Variants in SYT1 observed in about 807,000 individuals in gnomAD.
SYT1 encodes the protein synaptotagmin-1.
In SYT1, 8 loss-of-function variants were observed where a neutral mutation model predicts 44.8. The observed-to-expected ratio is 0.18, with a 90% CI of 0.10 to 0.32. The LOEUF (loss-of-function observed/expected upper bound fraction) is 0.32, where lower values mean the gene tolerates loss of function less well. SYT1 is among the 10% of genes least tolerant of loss of function. The probability of loss-of-function intolerance (pLI) is 1.00; values close to 1 mark genes in which losing one functional copy is unlikely to be tolerated. For synonymous variants in SYT1, 154 were observed against 188.8 expected (o/e 0.82, Z 1.51); for missense variants, 286 against 509.3 (o/e 0.56, Z 4.22).
chr12:79,350,715 T>C (rs1882863137), intron 8 of SYT1, among the ~76,000 whole-genome samples: 1 of 152,170 alleles, frequency 6.6e-6, no homozygotes, highest in African/African-American at 2.4e-5. Flanking sequence ...TTTTCAAACT[T>C]TTGGTAGACA....
In SYT1 at chr12:79,349,037, G is replaced by GAAAGAA. The variant is rs1565919888; in HGVS notation, c.811-4463_811-4458dup. Among the ~76,000 whole-genome samples the GAAAGAA allele has an allele frequency of 8.1e-3, 784 of 96,538 alleles. 1 individual carries two copies. The highest frequency in any genetic ancestry group is 0.023 in the Middle Eastern group (3 of 132). 63.3% of individuals were successfully genotyped at this position (96,538 alleles called of 152,430 possible). On this transcript the variant is annotated intron_variant, in intron 8 of 10. Transcript: ENST00000261205. ...AAAGAAAGAAAGAAAGAAAGAAAAAGAAAGAAAGAAAGAAAGAAAGGAGGG... is the reference window on the plus strand; with the variant it reads ...AAAGAAAGAAAGAAAGAAAGAAAAAGAAAGAAAAAGAAAGAAAGAAAGAAAGGAGGG...
intron 1 of SYT1, among the ~76,000 whole-genome samples, chr12:78,905,492 A>T (rs545082536): frequency 6.6e-6 from 1 of 152,220 alleles, no homozygotes; most frequent in South Asian, 2.1e-4. Context: ...ACACTCACTA[A>T]TATCAGCTTT....
At chr12:79,129,903 A>G (rs530888586) in intron 3 of SYT1, among the ~76,000 whole-genome samples, 1 of 152,316 alleles carries the variant, frequency 6.6e-6, no homozygotes, top group South Asian at 2.1e-4. Context: ...GTATATTATA[A>G]ACATTTACAG....
chr12:79,018,598 C>T (rs1430509842), intron 2 of SYT1, among the ~76,000 whole-genome samples: 1 of 152,018 alleles, frequency 6.6e-6, no homozygotes, highest in Non-Finnish European at 1.5e-5. Flanking sequence ...AAGTGGATTT[C>T]CCTTGGTTGG....
At chr12:79,158,125 A>G (rs1053193769) in intron 3 of SYT1, among the ~76,000 whole-genome samples, 3 of 152,126 alleles carry the variant, frequency 2.0e-5, no homozygotes, top group Non-Finnish European at 4.4e-5. Context: ...ATTACATTGT[A>G]ACATATATAC....
chr12:78,913,714 GATTT>G (rs1403164217), intron 1 of SYT1, among the ~76,000 whole-genome samples: 2 of 151,760 alleles, frequency 1.3e-5, no homozygotes, highest in Non-Finnish European at 2.9e-5. Flanking sequence ...TAAAATATGT[GATTT>G]ATTTAACACA....
At chr12:79,416,199 A>G in intron 9 of SYT1, among the ~76,000 whole-genome samples, 1 of 152,200 alleles carries the variant, frequency 6.6e-6, no homozygotes, top group East Asian at 1.9e-4. Flanking sequence ...AGAAAGAAAC[A>G]AGGCAAGGCA....
intron 1 of SYT1, among the ~76,000 whole-genome samples, chr12:78,958,819 G>A (rs536323326): frequency 3.9e-5 from 6 of 152,152 alleles, no homozygotes; most frequent in East Asian, 1.9e-4. Flanking sequence ...TTACGCAAAC[G>A]TGGAAAACTT....
At chr12:79,145,241 T>C (rs888646418) in intron 3 of SYT1, among the ~76,000 whole-genome samples, 24 of 152,120 alleles carry the variant, frequency 1.6e-4, no homozygotes, top group Non-Finnish European at 2.9e-5. Flanking sequence ...TAATATATTA[T>C]CTAATTTTAT....
chr12:79,218,219 A>T (rs1486284086), intron 4 of SYT1, among the ~76,000 whole-genome samples: 3 of 152,268 alleles, frequency 2.0e-5, no homozygotes, highest in African/African-American at 7.2e-5. Flanking sequence ...AATCAGTGAC[A>T]TTTAATTTTT....
intron 3 of SYT1, among the ~76,000 whole-genome samples, chr12:79,214,941 ATGTG>A (rs71091652): frequency 0.088 from 13,007 of 148,432 alleles, 738 homozygotes; most frequent in African/African-American, 0.16. Context: ...ATGTGTGTAT[ATGTG>A]TGTGTGTGTG....
At chr12:79,437,744 G>A (rs1174177628) in intron 9 of SYT1, among the ~76,000 whole-genome samples, 1 of 152,148 alleles carries the variant, frequency 6.6e-6, no homozygotes, top group Non-Finnish European at 1.5e-5. Context: ...TTGCATTCCA[G>A]TGCCAGATTC....
intron 9 of SYT1, among the ~76,000 whole-genome samples, chr12:79,412,363 T>C (rs1034399881): frequency 2.0e-5 from 3 of 152,180 alleles, no homozygotes; most frequent in Non-Finnish European, 4.4e-5. Flanking sequence ...AACTCCACCA[T>C]CTTGCCTCTT....
At chr12:79,021,504 TAAAA>T (rs943592169) in intron 2 of SYT1, among the ~76,000 whole-genome samples, 1 of 151,810 alleles carries the variant, frequency 6.6e-6, no homozygotes. Flanking sequence ...TCTCCTTTCT[TAAAA>T]AAATCAATTA....
At position 79,257,633 on chromosome 12, in the gene SYT1, A is replaced by G. The variant is rs576492770; in HGVS notation, c.167-28154A>G. Reference sequence around the variant, plus strand: ...CTCCCGAGTAGCTGGGACTACAGGCACCCGCCACAACCCCCGGCTGATTTT... The same window carrying G: ...CTCCCGAGTAGCTGGGACTACAGGCGCCCGCCACAACCCCCGGCTGATTTT... On this transcript the variant is annotated intron_variant, in intron 4 of 10. Transcript: ENST00000261205. Among the ~76,000 whole-genome samples the G allele has an allele frequency of 4.5e-3, 678 of 150,584 alleles. 2 individuals carry two copies. The highest frequency in any genetic ancestry group is 0.015 in the African/African-American group (610 of 41,202).
chr12:78,966,107 C>T (rs1013833168), intron 1 of SYT1, among the ~76,000 whole-genome samples: 5 of 150,534 alleles, frequency 3.3e-5, no homozygotes, highest in Non-Finnish European at 5.9e-5. Flanking sequence ...ATTGAATAAA[C>T]GAATATAATT....
In SYT1 at chr12:79,206,448, TAAC is replaced by T. The variant is rs1446413162; in HGVS notation, c.-17-11051_-17-11049del. 9.2e-5 allele frequency among the ~76,000 whole-genome samples: 14 copies of T among 152,204 alleles called. No homozygotes were observed. In the South Asian group the frequency reaches 1.9e-3, roughly 20 times the overall value. ...CTGTGTTGAGCGTACGTTGAGCAAA[TAAC>T]AACTGGGCCTGGCAGACAGTGATAG... On this transcript the variant is annotated intron_variant, in intron 3 of 10. Transcript: ENST00000261205.
chr12:79,000,677 G>T (rs894132422), intron 2 of SYT1, among the ~76,000 whole-genome samples: 2 of 152,118 alleles, frequency 1.3e-5, no homozygotes, highest in African/African-American at 4.8e-5. Flanking sequence ...TATAGTTGAA[G>T]CTGCCAAGAC....
intron 3 of SYT1, among the ~76,000 whole-genome samples, chr12:79,083,472 G>A (rs890221720): frequency 3.3e-5 from 5 of 151,956 alleles, no homozygotes; most frequent in Admixed American, 6.6e-5. Context: ...CCTTTGTAAA[G>A]GTGAAACATA....
Sources: gnomAD v4.1 joint callset for allele counts (sites outside exome capture counted in the v4.1 genomes callset) on GRCh38, gnomAD v4.1.1 for gene constraint, MANE v1.5 for transcripts, NCBI Gene and HGNC (gene_info 2026-07-23, HGNC 2026-07-21) for gene names.